The following ARFGEF1 variants were observed in gnomAD, a reference collection of about 807,000 sequenced individuals.
ARFGEF1 encodes brefeldin A-inhibited guanine nucleotide-exchange protein 1.
In ARFGEF1, 42 loss-of-function variants were observed where a neutral mutation model predicts 231.0. The ratio of observed to expected loss-of-function variants is 0.18; its 90% CI spans 0.14 to 0.24. The LOEUF (loss-of-function observed/expected upper bound fraction) is 0.24, where lower values mean the gene tolerates loss of function less well. Among genes scored for constraint, ARFGEF1 ranks in the 10% least tolerant of loss-of-function variants. The pLI is 1.00. For synonymous variants in ARFGEF1, 710 were observed against 732.3 expected, an observed-to-expected ratio of 0.97 and a Z score of 0.49; for missense variants, 1,345 against 2,192.0, an observed-to-expected ratio of 0.61 and a Z score of 7.72.
At chr8:67,307,009 C>T (rs903058088) in intron 1 of ARFGEF1, among the ~76,000 whole-genome samples, 3 of 152,194 alleles carry the variant, frequency 2.0e-5, no homozygotes, top group Non-Finnish European at 2.9e-5. Flanking sequence ...GAACTCCTGA[C>T]CACAGGTGAT....
chr8:67,245,687 G>C (rs776227621), intron 19 of ARFGEF1, among the ~76,000 whole-genome samples: 5 of 149,742 alleles, frequency 3.3e-5, no homozygotes, highest in Non-Finnish European at 7.4e-5. Flanking sequence ...AAGAAGGAAA[G>C]AAAGAAGAAA....
intron 1 of ARFGEF1, among the ~76,000 whole-genome samples, chr8:67,322,826 C>A (rs995796991): frequency 3.3e-5 from 5 of 152,216 alleles, no homozygotes; most frequent in Non-Finnish European, 7.3e-5. Context: ...CTTACCTTAG[C>A]ATATTGAAAT....
Position 67,240,288 on chromosome 8 carries a change from C to T in ARFGEF1, c.2853G>A (p.Leu951=). 6.3e-7 allele frequency: 1 copy of T among 1,587,396 alleles called. No individual in the cohort carries two copies. The highest frequency in any genetic ancestry group is 8.5e-7 in the Non-Finnish European group (1 of 1,173,346). The change falls in exon 20 of 39, where the codon TTG becomes TTA. Residue 951 remains leucine, a splice_region_variant and synonymous_variant. Coordinates refer to ENST00000262215, the MANE Select transcript of ARFGEF1 (RefSeq NM_006421.5). ...ATGCAGCCAGAAAAGGCGTCCAAGC[C>T]AACTACAAAAATTAAAAATTGTATT... ...HLEHVRPMFK[L]AWTPFLAAFS... is the part of the protein sequence containing the mutation.
chr8:67,288,448 G>C (rs1489069861), intron 6 of ARFGEF1, among the ~76,000 whole-genome samples: 2 of 150,464 alleles, frequency 1.3e-5, no homozygotes, highest in Non-Finnish European at 2.9e-5. Flanking sequence ...CTGAATGTAA[G>C]TAGGCTGGGT....
At chr8:67,336,001 G>A (rs1391032187) in intron 1 of ARFGEF1, among the ~76,000 whole-genome samples, 1 of 151,828 alleles carries the variant, frequency 6.6e-6, no homozygotes. Context: ...CACCTGCCTC[G>A]GCCTCCCGAA....
At chr8:67,251,554 T>A in intron 18 of ARFGEF1, 104 bp from the exon 19 acceptor site, 1 of 1,149,790 alleles carries the variant, frequency 8.7e-7, no homozygotes, top group Non-Finnish European at 1.2e-6. Context: ...TTAAAAGTAA[T>A]CCTAAGAAGC....
chr8:67,260,057 A>G (rs554410078), intron 14 of ARFGEF1, 131 bp from the exon 15 acceptor site: 15 of 441,194 alleles, frequency 3.4e-5, no homozygotes, highest in Non-Finnish European at 5.6e-5. Flanking sequence ...CAGTACATGA[A>G]TGTACAAAAT....
At chr8:67,262,131 A>AG (rs567483532) in intron 14 of ARFGEF1, among the ~76,000 whole-genome samples, 258 of 152,324 alleles carry the variant, frequency 1.7e-3, no homozygotes, top group Non-Finnish European at 3.5e-3. Flanking sequence ...AACCTTCTGG[A>AG]AAGGATTCAC....
downstream of ARFGEF1, chr8:67,193,476 C>T (rs764687694): frequency 1.9e-6 from 3 of 1,613,178 alleles, no homozygotes; most frequent in South Asian, 1.1e-5. Flanking sequence ...TAGCAGTCGT[C>T]CTAATGTAGC....
chr8:67,281,038 C>T (rs1042951178), intron 7 of ARFGEF1, among the ~76,000 whole-genome samples: 1 of 150,696 alleles, frequency 6.6e-6, no homozygotes, highest in Non-Finnish European at 1.5e-5. Context: ...AAAAAAAGCT[C>T]AGAGAAAAAT....
chr8:67,278,345 G>C (rs1023109551), intron 7 of ARFGEF1, among the ~76,000 whole-genome samples: 10 of 152,018 alleles, frequency 6.6e-5, no homozygotes, highest in African/African-American at 2.2e-4. Context: ...GAAATAATGA[G>C]GTCTATGAGG....
At chr8:67,258,564 T>A (rs1840538493) in intron 15 of ARFGEF1, among the ~76,000 whole-genome samples, 1 of 151,916 alleles carries the variant, frequency 6.6e-6, no homozygotes, top group Non-Finnish European at 1.5e-5. Flanking sequence ...TCAGGTAATC[T>A]ACCCGCCTCA....
At chr8:67,235,065 T>C (rs1264547750) in intron 22 of ARFGEF1, among the ~76,000 whole-genome samples, 1 of 142,468 alleles carries the variant, frequency 7.0e-6, no homozygotes. Context: ...AATATGTGTA[T>C]GTGTGTATAT....
intron 5 of ARFGEF1, among the ~76,000 whole-genome samples, chr8:67,183,997 C>T (rs1586831337): frequency 2.0e-5 from 3 of 151,986 alleles, no homozygotes. Context: ...GGATTACAGG[C>T]GCCTGCCACC....
chr8:67,271,617 G>T, intron 10 of ARFGEF1, 85 bp downstream of exon 10: 1 of 955,546 alleles, frequency 1.0e-6, no homozygotes, highest in Admixed American at 2.6e-5. Context: ...TCATTCTGGA[G>T]AACTTTGCAG....
chr8:67,320,123 T>C (rs567760402), intron 1 of ARFGEF1, among the ~76,000 whole-genome samples: 1 of 148,326 alleles, frequency 6.7e-6, no homozygotes, highest in African/African-American at 2.5e-5. Context: ...CTTGGGAGGC[T>C]GAGGCAAGAG....
intron 10 of ARFGEF1, among the ~76,000 whole-genome samples, chr8:67,268,144 CAT>C (rs577197916): frequency 9.9e-4 from 151 of 152,264 alleles, no homozygotes; most frequent in Admixed American, 2.1e-3. Context: ...ATTTATGAAA[CAT>C]ATGCATTATG....
At position 67,219,577 on chromosome 8, in the gene ARFGEF1, C is replaced by G. The variant is rs1474095611; in HGVS notation, c.4209-17G>C. The G allele has an allele frequency of 6.4e-7, 1 of 1,571,730 alleles. No individual in the cohort carries two copies. The highest frequency in any genetic ancestry group is 8.6e-7 in the Non-Finnish European group (1 of 1,159,972). Reference sequence around the variant, plus strand: ...GTTAAACCCCTAAAATGACAAAACACAATTAGAAAGCTGTAATACAAAAAA... The same window carrying G: ...GTTAAACCCCTAAAATGACAAAACAGAATTAGAAAGCTGTAATACAAAAAA... On this transcript the variant is annotated splice_polypyrimidine_tract_variant and intron_variant, in intron 29 of 38. Transcript: ENST00000262215.
chr8:67,240,409 G>A, intron 19 of ARFGEF1, 119 bp from the exon 20 acceptor site: 1 of 1,010,260 alleles, frequency 9.9e-7, no homozygotes, highest in Non-Finnish European at 1.4e-6. Flanking sequence ...CAGTTATCTA[G>A]AAAGCTTTCT....
Sources: allele counts gnomAD v4.1 joint callset (sites outside exome capture counted in the v4.1 genomes callset), GRCh38; gene constraint gnomAD v4.1.1; transcripts MANE v1.5; gene names NCBI Gene and HGNC (gene_info 2026-07-23, HGNC 2026-07-21).